Variants in STIMATE observed in about 807,000 individuals in gnomAD.
STIMATE encodes the protein STIM activating enhancer.
A neutral mutation model predicts 36.7 loss-of-function variants in STIMATE; 15 were observed. The ratio of observed to expected loss-of-function variants is 0.41; its 90% CI spans 0.27 to 0.63. The LOEUF (loss-of-function observed/expected upper bound fraction) is 0.63. Ranked by LOEUF, STIMATE falls within the 20% of genes least tolerant of loss-of-function variation. The pLI is 0.32. For missense variants in STIMATE, 305 were observed against 397.3 expected (o/e 0.77, Z 1.98); for synonymous variants, 163 against 162.3 (o/e 1.00, Z -0.03).
intron 1 of STIMATE, among the ~76,000 whole-genome samples, chr3:52,873,942 C>G (rs1462617606): frequency 1.3e-5 from 2 of 152,312 alleles, no homozygotes; most frequent in Non-Finnish European, 2.9e-5. Flanking sequence ...AATCTCATAG[C>G]GGGCAACGAT....
At chr3:52,870,384 G>C (rs778555476) in intron 1 of STIMATE, among the ~76,000 whole-genome samples, 66 of 152,224 alleles carry the variant, frequency 4.3e-4, no homozygotes, top group Non-Finnish European at 7.6e-4. Context: ...CACGGTTGTG[G>C]TTCCAAATCT....
intron 1 of STIMATE, among the ~76,000 whole-genome samples, chr3:52,874,064 C>T (rs948081583): frequency 6.6e-6 from 1 of 152,154 alleles, no homozygotes; most frequent in Non-Finnish European, 1.5e-5. Flanking sequence ...TCAGCTTTTC[C>T]TCTATAGTTA....
rs561406522 is a variant in STIMATE, at chr3:52,845,273, G to A, written c.428-332C>T. On this transcript the variant is annotated intron_variant, in intron 4 of 7. Transcript: ENST00000355083. Reference sequence around the variant, plus strand: ...TTTCTGCCGGCTGGCAGCAGAAGCTGTATGAAGCAAGACTGCTATTCTTAT... The same window carrying A: ...TTTCTGCCGGCTGGCAGCAGAAGCTATATGAAGCAAGACTGCTATTCTTAT... Among the ~76,000 whole-genome samples, 5 of 152,368 alleles carry A rather than the reference G, an allele frequency of 3.3e-5. No individual in the cohort carries two copies. The South Asian group carries it at 8.3e-4, about 25-fold the overall frequency.
chr3:52,849,990 A>T, intron 3 of STIMATE, 77 bp from the exon 4 acceptor site: 1 of 1,529,680 alleles, frequency 6.5e-7, no homozygotes, highest in African/African-American at 1.4e-5. Context: ...GGGTGGCCTG[A>T]GGGAAGCGGA....
At position 52,885,495 on chromosome 3, in the gene STIMATE, C is replaced by T. The variant is rs186477283; in HGVS notation, c.160+11796G>A. Among the ~76,000 whole-genome samples the T allele has an allele frequency of 7.2e-3, 1,089 of 152,296 alleles. 113 individuals carry two copies. The South Asian group carries it at 0.2, about 28-fold the overall frequency. On this transcript the variant is annotated intron_variant, in intron 1 of 7. Transcript: ENST00000355083. ...GTCTATGGATGTCCCAGGTGTTCAA[C>T]AACGTCTCTCTGCTCTATCTGGAAA...
At chr3:52,873,316 T>A (rs1299798177) in intron 1 of STIMATE, among the ~76,000 whole-genome samples, 1 of 152,230 alleles carries the variant, frequency 6.6e-6, no homozygotes, top group Non-Finnish European at 1.5e-5. Context: ...TACAAATTGC[T>A]GATAAACACA....
intron 7 of STIMATE, among the ~76,000 whole-genome samples, chr3:52,842,178 C>T (rs1700809232): frequency 1.3e-5 from 2 of 152,250 alleles, no homozygotes; most frequent in Admixed American, 6.5e-5. Context: ...CCCACCTGCA[C>T]ACTTCCTAGG....
chr3:52,840,954 C>T (rs1310982916), intron 7 of STIMATE, among the ~76,000 whole-genome samples: 1 of 152,176 alleles, frequency 6.6e-6, no homozygotes, highest in Non-Finnish European at 1.5e-5. Flanking sequence ...AATCCACCTG[C>T]TTCGGACTCC....
intron 2 of STIMATE, among the ~76,000 whole-genome samples, chr3:52,853,169 G>A (rs1273385799): frequency 1.3e-5 from 2 of 152,084 alleles, no homozygotes; most frequent in Admixed American, 6.5e-5. Flanking sequence ...TTCTGTAAAG[G>A]ACCAAAGAAT....
chr3:52,884,100 C>T (rs1286274031), intron 1 of STIMATE, among the ~76,000 whole-genome samples: 1 of 152,092 alleles, frequency 6.6e-6, no homozygotes, highest in Non-Finnish European at 1.5e-5. Context: ...CTTTTTTCCC[C>T]TTTCTCTTCT....
chr3:52,887,327 C>T (rs1197990972), intron 1 of STIMATE, among the ~76,000 whole-genome samples: 1 of 152,248 alleles, frequency 6.6e-6, no homozygotes, highest in East Asian at 1.9e-4. Context: ...AGGAGCATTT[C>T]GCCATAGCAT....
chr3:52,877,403 G>T (rs1031664737), intron 1 of STIMATE, among the ~76,000 whole-genome samples: 15 of 152,208 alleles, frequency 9.9e-5, no homozygotes, highest in Admixed American at 9.8e-4. Context: ...CCATAGTCTA[G>T]AACAAACTCC....
At chr3:52,867,447 C>A (rs1456750729) in intron 1 of STIMATE, among the ~76,000 whole-genome samples, 1 of 152,226 alleles carries the variant, frequency 6.6e-6, no homozygotes, top group Non-Finnish European at 1.5e-5. Context: ...ATGGGGTGCT[C>A]TGGAAGCCAT....
chr3:52,884,826 T>C (rs542766536), intron 1 of STIMATE, among the ~76,000 whole-genome samples: 1 of 152,350 alleles, frequency 6.6e-6, no homozygotes, highest in East Asian at 1.9e-4. Flanking sequence ...TTGTTGAACA[T>C]TTGAACTGTT....
In STIMATE at chr3:52,849,310, C is replaced by T. The variant is rs150393820; in HGVS notation, c.427+482G>A. Among the ~76,000 whole-genome samples, 26 of 152,314 alleles carry T rather than the reference C, an allele frequency of 1.7e-4. No homozygotes were observed. The East Asian group carries it at 4.2e-3, about 25-fold the overall frequency. On this transcript the variant is annotated intron_variant, in intron 4 of 7. Coordinates refer to ENST00000355083, the MANE Select transcript of STIMATE (RefSeq NM_198563.5). ...GAGGAAGGTGCCCTCCAGTACCAGC[C>T]GTGTGGAATGGCCTAGCAACAGGAC...
Position 52,897,411 on chromosome 3 carries a change from C to G in STIMATE, c.40G>C (p.Gly14Arg). ...PAGNASRGLP[G>R]GPPSTVASGA... The stretch of plus-strand genomic sequence containing the variant: ...GACGCGACTGTGGAGGGCGGCCCGC[C>G]TGGCAGTCCCCGGCTCGCGTTCCCG... The change falls in exon 1 of 8, where the codon GGC (glycine) becomes CGC (arginine). Residue 14 changes from glycine to arginine, a missense_variant. Around this residue, in one of 3 missense-constraint regions of STIMATE, gnomAD observed 57 missense variants for 57.1 expected, o/e 1.00. Transcript: ENST00000355083. 6.8e-7 allele frequency: 1 copy of G among 1,468,346 alleles called. No homozygotes were observed. Among genetic ancestry groups the G allele is most frequent in the Non-Finnish European group, 9.0e-7 (1 of 1,117,312 alleles). 91.0% of individuals were successfully genotyped at this position (1,468,346 alleles called of 1,614,324 possible).
intron 1 of STIMATE, among the ~76,000 whole-genome samples, chr3:52,861,002 G>T (rs1225115229): frequency 6.6e-6 from 1 of 152,224 alleles, no homozygotes; most frequent in Non-Finnish European, 1.5e-5. Flanking sequence ...AGTGGCTCAG[G>T]CAGGGTCCTA....
chr3:52,896,757 G>A (rs951131148), intron 1 of STIMATE, among the ~76,000 whole-genome samples: 1 of 152,212 alleles, frequency 6.6e-6, no homozygotes, highest in Non-Finnish European at 1.5e-5. Context: ...GAAGGGCCAC[G>A]GAGAGGGAGG....
chr3:52,858,750 T>C lies in STIMATE; in HGVS notation c.161-3306A>G, dbSNP rs553904691. On this transcript the variant is annotated intron_variant, in intron 1 of 7. Transcript: ENST00000355083. Reference sequence around the variant, plus strand: ...AAGTATTATTGCAGGTGTGTCAGGATGTATAGGAATATTCACTGCAATACT... The same window carrying C: ...AAGTATTATTGCAGGTGTGTCAGGACGTATAGGAATATTCACTGCAATACT... Among the ~76,000 whole-genome samples the C allele has an allele frequency of 3.9e-5, 6 of 152,368 alleles. No homozygotes were observed. In the East Asian group the frequency reaches 7.7e-4, roughly 20 times the overall value.
Sources: allele counts gnomAD v4.1 joint callset (sites outside exome capture counted in the v4.1 genomes callset), GRCh38; gene constraint gnomAD v4.1.1; regional missense constraint gnomAD v4.1.1; transcripts MANE v1.5; gene names NCBI Gene and HGNC (gene_info 2026-07-23, HGNC 2026-07-21).